The following WDPCP variants were observed in gnomAD, a reference collection of about 807,000 sequenced individuals.
The protein encoded by WDPCP is WD repeat containing planar cell polarity effector, also known as WD repeat-containing and planar cell polarity effector protein fritz homolog.
WDPCP carries 71 observed loss-of-function variants against 93.1 expected under a neutral mutation model. The observed-to-expected ratio is 0.76, with a 90% CI of 0.63 to 0.93. WDPCP has a LOEUF of 0.93. Ranked by LOEUF, WDPCP falls within the 40% of genes least tolerant of loss-of-function variation. WDPCP has a pLI of 0.00. For missense variants in WDPCP, 844 were observed against 887.4 expected, an observed-to-expected ratio of 0.95 and a Z score of 0.62; for synonymous variants, 315 against 315.0, an observed-to-expected ratio of 1.00 and a Z score of 0.00.
intron 6 of WDPCP, among the ~76,000 whole-genome samples, chr2:63,472,643 C>T (rs1396106575): frequency 6.6e-6 from 1 of 151,932 alleles, no homozygotes; most frequent in African/African-American, 2.4e-5. Flanking sequence ...GGCTGGAGTA[C>T]AGTAGTGCGA....
intron 2 of WDPCP, among the ~76,000 whole-genome samples, chr2:63,676,066 A>G (rs145643933): frequency 2.0e-3 from 311 of 152,318 alleles, no homozygotes; most frequent in Middle Eastern, 3.4e-3. Flanking sequence ...TATCTTTGGC[A>G]ATAGCTGGCT....
intron 2 of WDPCP, among the ~76,000 whole-genome samples, chr2:63,687,971 T>C (rs1427894214): frequency 6.6e-6 from 1 of 152,100 alleles, no homozygotes; most frequent in Non-Finnish European, 1.5e-5. Flanking sequence ...ATAAAGAAAA[T>C]GCGGTACTTA....
At chr2:63,758,902 C>T (rs1049434862) in intron 2 of WDPCP, among the ~76,000 whole-genome samples, 1 of 152,072 alleles carries the variant, frequency 6.6e-6, no homozygotes, top group Non-Finnish European at 1.5e-5. Context: ...CTCAGCCTCC[C>T]GAGTAGTTGG....
chr2:63,521,782 T>C (rs1201995625), intron 1 of WDPCP, among the ~76,000 whole-genome samples: 1 of 152,106 alleles, frequency 6.6e-6, no homozygotes, highest in African/African-American at 2.4e-5. Flanking sequence ...CAATCGGGCA[T>C]AAAACAACCC....
chr2:63,336,565 T>C (rs1250604788), intron 12 of WDPCP, among the ~76,000 whole-genome samples: 1 of 152,144 alleles, frequency 6.6e-6, no homozygotes, highest in Non-Finnish European at 1.5e-5. Context: ...TGAATGGGTA[T>C]TGAATGTGGT....
At chr2:63,675,041 C>T (rs1478724600) in intron 2 of WDPCP, among the ~76,000 whole-genome samples, 1 of 152,150 alleles carries the variant, frequency 6.6e-6, no homozygotes, top group Non-Finnish European at 1.5e-5. Flanking sequence ...AACTGGTTCT[C>T]ACCTGCCCTG....
At chr2:63,141,292 T>C (rs1047299489) in intron 17 of WDPCP, among the ~76,000 whole-genome samples, 1 of 152,178 alleles carries the variant, frequency 6.6e-6, no homozygotes, top group African/African-American at 2.4e-5. Context: ...TTGGTCAGGC[T>C]GGCCTCAAAC....
intron 14 of WDPCP, chr2:63,233,426 C>T (rs1679105880): frequency 4.8e-6 from 1 of 207,466 alleles, no homozygotes; most frequent in South Asian, 8.9e-5. Context: ...ATTAAGTCCT[C>T]TACAAAGTTC....
At chr2:63,526,988 A>C (rs999497886) in intron 1 of WDPCP, among the ~76,000 whole-genome samples, 15 of 152,210 alleles carry the variant, frequency 9.9e-5, no homozygotes, top group African/African-American at 3.4e-4. Context: ...CCAATGAAAC[A>C]AGGCTTCCTC....
At chr2:63,429,810 T>C (rs939981901) in intron 9 of WDPCP, among the ~76,000 whole-genome samples, 19 of 152,108 alleles carry the variant, frequency 1.2e-4, no homozygotes. Context: ...TGAACTACCA[T>C]TCGACCTAGC....
At chr2:63,285,071 T>C (rs7596446) in intron 13 of WDPCP, among the ~76,000 whole-genome samples, 123,595 of 152,220 alleles carry the variant, frequency 0.81, 50,933 homozygotes, top group East Asian at 0.96. Context: ...ACAGATATGA[T>C]AAAAAAATGA....
chr2:63,577,613 A>G (rs372127073), intron 1 of WDPCP, among the ~76,000 whole-genome samples: 1 of 152,202 alleles, frequency 6.6e-6, no homozygotes. Context: ...ACTGTTCTAC[A>G]TTTTTAATAT....
chr2:63,752,165 C>T, intron 2 of WDPCP: 1 of 638,142 alleles, frequency 1.6e-6, no homozygotes, highest in Non-Finnish European at 2.8e-6. Context: ...TCCACGGAGT[C>T]ATGGTCATCA....
chr2:63,427,056 T>C (rs532586104), intron 9 of WDPCP, among the ~76,000 whole-genome samples: 1 of 152,328 alleles, frequency 6.6e-6, no homozygotes, highest in African/African-American at 2.4e-5. Flanking sequence ...CCTAAATATA[T>C]ATGCATCCAA....
At chr2:63,253,617 A>G (rs1680912561) in intron 14 of WDPCP, among the ~76,000 whole-genome samples, 1 of 152,202 alleles carries the variant, frequency 6.6e-6, no homozygotes, top group Non-Finnish European at 1.5e-5. Flanking sequence ...CAGACATACA[A>G]GCAGTCAACA....
chr2:63,641,541 A>T (rs991046444), intron 3 of WDPCP, among the ~76,000 whole-genome samples: 2 of 152,114 alleles, frequency 1.3e-5, no homozygotes, highest in Admixed American at 1.3e-4. Flanking sequence ...GCTGATGATC[A>T]GTGATATTGG....
chr2:63,397,386 A>C (rs1192156779), intron 10 of WDPCP, among the ~76,000 whole-genome samples: 8 of 152,150 alleles, frequency 5.3e-5, no homozygotes, highest in Non-Finnish European at 8.8e-5. Context: ...GTCTGCACAT[A>C]ATGAGTCTAA....
intron 9 of WDPCP, among the ~76,000 whole-genome samples, chr2:63,425,011 A>C (rs539973947): frequency 6.6e-6 from 1 of 152,328 alleles, no homozygotes; most frequent in South Asian, 2.1e-4. Context: ...ATTACTCTTA[A>C]GCGCCATCTA....
chr2:63,371,022 A>G (rs1015176629), intron 12 of WDPCP, among the ~76,000 whole-genome samples: 2 of 152,066 alleles, frequency 1.3e-5, no homozygotes, highest in African/African-American at 4.8e-5. Flanking sequence ...CATTTTAAAT[A>G]TATATATTTC....
Sources: allele counts gnomAD v4.1 joint callset (sites outside exome capture counted in the v4.1 genomes callset), GRCh38; gene constraint gnomAD v4.1.1; transcripts MANE v1.5; gene names NCBI Gene and HGNC (gene_info 2026-07-23, HGNC 2026-07-21).